The following ASAP1 variants were observed in gnomAD, a reference collection of about 807,000 sequenced individuals.
ASAP1 encodes arf-GAP with SH3 domain, ANK repeat and PH domain-containing protein 1.
A neutral mutation model predicts 145.2 loss-of-function variants in ASAP1; 43 were observed. That is an observed-to-expected ratio of 0.30 (90% CI 0.23 to 0.38). The LOEUF is 0.38. Ranked by LOEUF, ASAP1 falls within the 10% of genes least tolerant of loss-of-function variation. The pLI is 1.00. For synonymous variants in ASAP1, 546 were observed against 515.5 expected (o/e 1.06, Z -0.80); for missense variants, 1,018 against 1,355.3 (o/e 0.75, Z 3.91).
At chr8:130,208,357 C>T (rs1240977607) in intron 5 of ASAP1, among the ~76,000 whole-genome samples, 1 of 152,118 alleles carries the variant, frequency 6.6e-6, no homozygotes, top group Non-Finnish European at 1.5e-5. Context: ...CAACAATCAC[C>T]ACCACCAAGT....
At chr8:130,420,855 T>C (rs1829692204) in intron 1 of ASAP1, among the ~76,000 whole-genome samples, 1 of 149,608 alleles carries the variant, frequency 6.7e-6, no homozygotes. Flanking sequence ...ATCACGCCAC[T>C]GCACTCCAGC....
At chr8:130,353,822 G>T (rs764414430) in intron 3 of ASAP1, among the ~76,000 whole-genome samples, 2 of 152,190 alleles carry the variant, frequency 1.3e-5, no homozygotes, top group African/African-American at 2.4e-5. Flanking sequence ...AGTGAGCTGA[G>T]ATCGCACCAC....
At chr8:130,422,543 C>T (rs183896214) in intron 1 of ASAP1, among the ~76,000 whole-genome samples, 8 of 152,314 alleles carry the variant, frequency 5.3e-5, no homozygotes, top group African/African-American at 1.9e-4. Flanking sequence ...TCCTCCTAAG[C>T]TGTCTCTGTC....
In ASAP1 at chr8:130,388,292, T is replaced by C. The variant is rs201100735; in HGVS notation, c.59+13593A>G. ...AGGGGCTAGATCATGCTAGTCTTTG[T>C]AGGCCACGGTAAGAAATCTGAATTT... On this transcript the variant is annotated intron_variant, in intron 2 of 29. Transcript: ENST00000518721. 2.0e-5 allele frequency among the ~76,000 whole-genome samples: 3 copies of C among 152,316 alleles called. No individual in the cohort carries two copies. The East Asian group carries it at 5.8e-4, about 29-fold the overall frequency.
intron 3 of ASAP1, among the ~76,000 whole-genome samples, chr8:130,263,081 T>C (rs1820036596): frequency 6.6e-6 from 1 of 152,246 alleles, no homozygotes; most frequent in Non-Finnish European, 1.5e-5. Flanking sequence ...ATGAATTTAC[T>C]AATATGAATA....
chr8:130,265,259 TC>T (rs1820171665), intron 3 of ASAP1, among the ~76,000 whole-genome samples: 1 of 152,102 alleles, frequency 6.6e-6, no homozygotes, highest in South Asian at 2.1e-4. Flanking sequence ...CATCATACTT[TC>T]CCCAAAACAA....
intron 3 of ASAP1, among the ~76,000 whole-genome samples, chr8:130,280,203 G>T (rs1293395186): frequency 1.3e-5 from 2 of 152,220 alleles, no homozygotes; most frequent in African/African-American, 2.4e-5. Context: ...CCAGACCAGT[G>T]CTTGCTCATA....
chr8:130,088,765 A>G lies in ASAP1; in HGVS notation c.2572+3208T>C, dbSNP rs184032900. Among the ~76,000 whole-genome samples, 661 of 152,376 alleles carry G rather than the reference A, an allele frequency of 4.3e-3. 7 individuals carry two copies. The highest frequency in any genetic ancestry group is 4.5e-3 in the Non-Finnish European group (309 of 68,038). ...TATCCAGCAAAATGCTAGGCTGAGA[A>G]TAATGGTAACAGTAGCTATCATTTA... On this transcript the variant is annotated intron_variant, in intron 25 of 29. Coordinates refer to ENST00000518721, the MANE Select transcript of ASAP1 (RefSeq NM_018482.4).
intron 27 of ASAP1, among the ~76,000 whole-genome samples, chr8:130,074,937 C>A (rs1295133089): frequency 6.6e-6 from 1 of 152,160 alleles, no homozygotes; most frequent in East Asian, 1.9e-4. Flanking sequence ...TGAGGGAGCA[C>A]ATCAGGGAGT....
At chr8:130,236,421 A>G (rs1175505155) in intron 4 of ASAP1, among the ~76,000 whole-genome samples, 1 of 152,048 alleles carries the variant, frequency 6.6e-6, no homozygotes, top group African/African-American at 2.4e-5. Flanking sequence ...TTAGTTACAC[A>G]GGTTATCTGG....
chr8:130,229,793 C>A (rs1017846830), intron 4 of ASAP1, among the ~76,000 whole-genome samples: 1 of 152,180 alleles, frequency 6.6e-6, no homozygotes, highest in African/African-American at 2.4e-5. Context: ...TAAATCCCAA[C>A]GCTTTAGTAG....
At chr8:130,399,800 G>C (rs1392407707) in intron 2 of ASAP1, among the ~76,000 whole-genome samples, 3 of 148,654 alleles carry the variant, frequency 2.0e-5, no homozygotes, top group Non-Finnish European at 4.4e-5. Context: ...AGAAGAAACA[G>C]AGAAAGTCAG....
At chr8:130,215,295 A>C (rs1816828535) in intron 4 of ASAP1, among the ~76,000 whole-genome samples, 15 of 152,184 alleles carry the variant, frequency 9.9e-5, no homozygotes, top group Admixed American at 9.8e-4. Context: ...CACATTTTCA[A>C]GCAATTAAGA....
chr8:130,404,284 A>G (rs190971455), intron 1 of ASAP1, among the ~76,000 whole-genome samples: 1 of 152,338 alleles, frequency 6.6e-6, no homozygotes, highest in African/African-American at 2.4e-5. Context: ...TCACAAATTT[A>G]AATTAGATGG....
At chr8:130,231,184 A>G (rs1326493175) in intron 4 of ASAP1, among the ~76,000 whole-genome samples, 1 of 152,194 alleles carries the variant, frequency 6.6e-6, no homozygotes, top group Non-Finnish European at 1.5e-5. Flanking sequence ...TTTTGCCTTA[A>G]AAAACACAAA....
At chr8:130,248,591 C>T (rs557032376) in intron 3 of ASAP1, among the ~76,000 whole-genome samples, 416 of 152,114 alleles carry the variant, frequency 2.7e-3, no homozygotes, top group Non-Finnish European at 4.0e-3. Context: ...AGAACAAAGA[C>T]GTGATTAGCT....
At chr8:130,320,297 T>C (rs1823919129) in intron 3 of ASAP1, among the ~76,000 whole-genome samples, 1 of 152,222 alleles carries the variant, frequency 6.6e-6, no homozygotes, top group Non-Finnish European at 1.5e-5. Flanking sequence ...GGCTGTCGCC[T>C]GTAATCCCAG....
intron 1 of ASAP1, among the ~76,000 whole-genome samples, chr8:130,417,062 A>G (rs901683538): frequency 1.3e-5 from 2 of 151,110 alleles, no homozygotes; most frequent in Non-Finnish European, 3.0e-5. Flanking sequence ...GCATACACAC[A>G]TACACACATG....
At position 130,402,052 on chromosome 8, in the gene ASAP1, A is replaced by G. The variant is rs551939586; in HGVS notation, c.-27-82T>C. 4 of 891,948 alleles carry G rather than the reference A, an allele frequency of 4.5e-6. No individual in the cohort carries two copies. The South Asian group carries it at 6.4e-5, about 14-fold the overall frequency. 55.3% of individuals were successfully genotyped at this position (891,948 alleles called of 1,614,324 possible). A position where few individuals can be genotyped will look rare whatever the true frequency, so the allele number is the denominator to read the frequency against. ...AGACATTGTCTCAGACCAAGATCGG[A>G]TTTCATATGGAGGCTGCACCTTTGT... On this transcript the variant is annotated intron_variant, in intron 1 of 29. Coordinates refer to ENST00000518721, the MANE Select transcript of ASAP1 (RefSeq NM_018482.4).
Sources: allele counts gnomAD v4.1 joint callset (sites outside exome capture counted in the v4.1 genomes callset), GRCh38; gene constraint gnomAD v4.1.1; transcripts MANE v1.5; gene names NCBI Gene and HGNC (gene_info 2026-07-23, HGNC 2026-07-21).